SS18: variants seen among roughly 807,000 people sequenced by gnomAD.
SS18 encodes the protein protein SSXT.
SS18 carries 28 observed loss-of-function variants against 72.5 expected under a neutral mutation model. The ratio of observed to expected loss-of-function variants is 0.39; its 90% CI spans 0.29 to 0.53. The LOEUF (loss-of-function observed/expected upper bound fraction) is 0.53. SS18 is among the 20% of genes least tolerant of loss of function. The pLI, the probability that SS18 is intolerant of heterozygous loss-of-function variation, is 0.76. For synonymous variants in SS18, 172 were observed against 164.2 expected, an observed-to-expected ratio of 1.05 and a Z score of -0.37; for missense variants, 518 against 535.3, an observed-to-expected ratio of 0.97 and a Z score of 0.32.
chr18:26,027,580 G>A (rs1185944940), intron 10 of SS18, among the ~76,000 whole-genome samples: 3 of 148,142 alleles, frequency 2.0e-5, no homozygotes, highest in African/African-American at 2.5e-5. Flanking sequence ...GCTAAGGCAG[G>A]AGAATCGCTT....
chr18:26,068,999 A>G (rs933552305), intron 3 of SS18, among the ~76,000 whole-genome samples: 1 of 152,230 alleles, frequency 6.6e-6, no homozygotes. Flanking sequence ...TCAGCCTTTT[A>G]AAATGAAGAC....
intron 10 of SS18, among the ~76,000 whole-genome samples, chr18:26,031,882 C>A (rs2053548010): frequency 6.6e-6 from 1 of 151,934 alleles, no homozygotes; most frequent in Non-Finnish European, 1.5e-5. Context: ...ATGAAAGCAT[C>A]AACACAGATG....
chr18:26,069,362 A>G (rs2054273340), intron 3 of SS18, among the ~76,000 whole-genome samples: 1 of 151,978 alleles, frequency 6.6e-6, no homozygotes, highest in Non-Finnish European at 1.5e-5. Flanking sequence ...TTTTCAGAAT[A>G]TTTTTCTGAA....
At chr18:26,067,391 A>T (rs1159836791) in intron 3 of SS18, among the ~76,000 whole-genome samples, 1 of 152,220 alleles carries the variant, frequency 6.6e-6, no homozygotes, top group Non-Finnish European at 1.5e-5. Context: ...ATATGAAAAT[A>T]CTGGCTGTGA....
At chr18:26,054,553 A>G (rs1222233079) in intron 4 of SS18, among the ~76,000 whole-genome samples, 1 of 152,202 alleles carries the variant, frequency 6.6e-6, no homozygotes, top group Non-Finnish European at 1.5e-5. Flanking sequence ...AAAAAAGAAC[A>G]TGATAGAGAC....
intron 5 of SS18, among the ~76,000 whole-genome samples, chr18:26,050,365 T>C (rs1159135323): frequency 1.3e-5 from 2 of 151,904 alleles, no homozygotes; most frequent in African/African-American, 4.8e-5. Flanking sequence ...TAAATAATAA[T>C]AAACAGAAAA....
chr18:26,061,957 A>T (rs1283192914), intron 3 of SS18, among the ~76,000 whole-genome samples: 1 of 152,174 alleles, frequency 6.6e-6, no homozygotes, highest in Admixed American at 6.5e-5. Context: ...GTATAGGACA[A>T]GACACACAAA....
At position 26,017,780 on chromosome 18, in the gene SS18, G is replaced by A. The variant is rs993075323; in HGVS notation, c.*574C>T. ...GAACAGTGGACATATGGTGTGCTTTGTCTTCCCCTCACCTTTATCTTTATA... is the reference window on the plus strand; with the variant it reads ...GAACAGTGGACATATGGTGTGCTTTATCTTCCCCTCACCTTTATCTTTATA... On this transcript the variant is annotated 3_prime_UTR_variant, in exon 11 of 11. Coordinates refer to ENST00000415083, the MANE Select transcript of SS18 (RefSeq NM_001007559.3). The A allele has an allele frequency of 8.9e-6, 2 of 224,276 alleles. No individual in the cohort carries two copies. The highest frequency in any genetic ancestry group is 4.5e-5 in the African/African-American group (2 of 44,850). The allele number at this position is 224,276 out of a possible 1,614,324, so 13.9% of individuals were successfully genotyped here. A position where few individuals can be genotyped will look rare whatever the true frequency, so the allele number is the denominator to read the frequency against.
At chr18:26,087,336 TACC>T (rs2054633065) in intron 2 of SS18, among the ~76,000 whole-genome samples, 162 bp downstream of exon 2, 1 of 152,194 alleles carries the variant, frequency 6.6e-6, no homozygotes, top group Non-Finnish European at 1.5e-5. Flanking sequence ...ACTCACGTAA[TACC>T]AGCACAACTC....
chr18:26,054,555 G>T (rs2053981413), intron 4 of SS18, among the ~76,000 whole-genome samples: 1 of 151,988 alleles, frequency 6.6e-6, no homozygotes, highest in South Asian at 2.1e-4. Context: ...AAAAGAACAT[G>T]ATAGAGACCA....
rs947396760 is a variant in SS18 at position 26,017,222 on chromosome 18, T to C, written c.*1132A>G. The C allele has an allele frequency of 1.6e-4, 33 of 200,566 alleles. 1 individual carries two copies. The highest frequency in any genetic ancestry group is 7.3e-4 in the African/African-American group (32 of 43,630). The allele number at this position is 200,566 out of a possible 1,614,324, so 12.4% of individuals were successfully genotyped here. On this transcript the variant is annotated 3_prime_UTR_variant, in exon 11 of 11. Coordinates refer to ENST00000415083, the MANE Select transcript of SS18 (RefSeq NM_001007559.3). ...GAATAAACCTCATCAATAAGCATTT[T>C]CCTAAATATCTCTTTGTGTTATATC... is the stretch of plus-strand genomic sequence containing the variant.
chr18:26,077,585 G>A (rs1027976364), intron 3 of SS18, among the ~76,000 whole-genome samples: 17 of 152,076 alleles, frequency 1.1e-4, no homozygotes, highest in African/African-American at 4.1e-4. Context: ...GTTTTTAATC[G>A]CTGCTCGGCC....
rs2053280486 is a variant in SS18 at position 26,018,118 on chromosome 18, TTC to T, written c.*234_*235del. ...TACAAATTGGTTATGTCATTGCATTTTCTGTCCAATGTTGCCATCTAGAGTAG... is the reference window on the plus strand; with the variant it reads ...TACAAATTGGTTATGTCATTGCATTTTGTCCAATGTTGCCATCTAGAGTAG... On this transcript the variant is annotated 3_prime_UTR_variant, in exon 11 of 11. Transcript: ENST00000415083. 2.5e-6 allele frequency: 1 copy of T among 401,588 alleles called. No homozygotes were observed. Among genetic ancestry groups the T allele is most frequent in the South Asian group, 5.2e-5 (1 of 19,290 alleles). The allele number at this position is 401,588 out of a possible 1,614,324, so 24.9% of individuals were successfully genotyped here.
At chr18:26,084,506 T>C (rs2054583383) in intron 2 of SS18, among the ~76,000 whole-genome samples, 1 of 152,150 alleles carries the variant, frequency 6.6e-6, no homozygotes, top group Admixed American at 6.6e-5. Context: ...AGCAACTTTA[T>C]GGTGAACAAA....
At chr18:26,078,374 T>C (rs1268518652) in intron 2 of SS18, 2 of 394,966 alleles carry the variant, frequency 5.1e-6, no homozygotes, top group African/African-American at 4.2e-5. Flanking sequence ...TAAATAGTGT[T>C]ATAATTTTTT....
chr18:26,069,153 G>A (rs2054269282), intron 3 of SS18, among the ~76,000 whole-genome samples: 1 of 151,984 alleles, frequency 6.6e-6, no homozygotes, highest in Non-Finnish European at 1.5e-5. Context: ...CCTTTCCATT[G>A]ATATCCTCCA....
intron 10 of SS18, among the ~76,000 whole-genome samples, chr18:26,022,145 T>C (rs773624042): frequency 5.9e-5 from 9 of 152,186 alleles, no homozygotes; most frequent in Non-Finnish European, 8.8e-5. Flanking sequence ...TCCTCTTAAC[T>C]CTGGTCTTGT....
intron 3 of SS18, among the ~76,000 whole-genome samples, chr18:26,059,249 C>T (rs1014316633): frequency 1.3e-5 from 2 of 152,192 alleles, no homozygotes; most frequent in South Asian, 2.1e-4. Flanking sequence ...GGGGCTACAA[C>T]TCCTGAAAGA....
In SS18 at chr18:26,031,660, T is replaced by C. The variant is rs531524732; in HGVS notation, c.1230+739A>G. On this transcript the variant is annotated intron_variant, in intron 10 of 10. Transcript: ENST00000415083. ...TAATGACAAAAATAAGGCAGTTAAA[T>C]GAACACTGGGTTCAAGGGAATACAG... Among the ~76,000 whole-genome samples, 201 of 152,302 alleles carry C rather than the reference T, an allele frequency of 1.3e-3. 1 individual carries two copies. The highest frequency in any genetic ancestry group is 4.3e-3 in the African/African-American group (180 of 41,576).
Sources: allele counts gnomAD v4.1 joint callset (sites outside exome capture counted in the v4.1 genomes callset), GRCh38; gene constraint gnomAD v4.1.1; transcripts MANE v1.5; gene names NCBI Gene and HGNC (gene_info 2026-07-23, HGNC 2026-07-21).